SORBS2: variants seen among roughly 807,000 people sequenced by gnomAD.
The protein encoded by SORBS2 is sorbin and SH3 domain-containing protein 2.
Under a neutral mutation model 97.7 loss-of-function variants are expected in SORBS2, and 46 were observed. The observed-to-expected ratio is 0.47, with a 90% CI of 0.37 to 0.60. The LOEUF (loss-of-function observed/expected upper bound fraction) is 0.60. Ranked by LOEUF, SORBS2 falls within the 20% of genes least tolerant of loss-of-function variation. The pLI is 0.00. For synonymous variants in SORBS2, 476 were observed against 473.4 expected, an observed-to-expected ratio of 1.01 and a Z score of -0.07; for missense variants, 1,316 against 1,282.3, an observed-to-expected ratio of 1.03 and a Z score of -0.40.
At chr4:185,588,371 A>G (rs2095837681) in intron 14 of SORBS2, among the ~76,000 whole-genome samples, 1 of 152,224 alleles carries the variant, frequency 6.6e-6, no homozygotes, top group Admixed American at 6.5e-5. Context: ...ACAAATGGCT[A>G]TCATAATTAT....
intron 1 of SORBS2, among the ~76,000 whole-genome samples, chr4:185,895,391 A>G (rs991083873): frequency 6.6e-6 from 1 of 152,368 alleles, no homozygotes; most frequent in South Asian, 2.1e-4. Flanking sequence ...CCTTGTCCTC[A>G]TAACCGAAGC....
rs181590873 is a variant in SORBS2 at position 185,801,818 on chromosome 4, C to T, written c.-337-26452G>A. ...TTCATCTCAAAGTTGGCCACTGACT[C>T]GTAACAGGTAAAACCCAATGAGCAC... On this transcript the variant is annotated intron_variant, in intron 1 of 20. Coordinates refer to the SORBS2 transcript ENST00000284776. 4.0e-4 allele frequency among the ~76,000 whole-genome samples: 61 copies of T among 152,290 alleles called. 1 individual carries two copies. The highest frequency in any genetic ancestry group is 1.7e-3 in the South Asian group (8 of 4,820).
At chr4:185,753,378 C>A (rs2098812857) in intron 2 of SORBS2, among the ~76,000 whole-genome samples, 1 of 152,096 alleles carries the variant, frequency 6.6e-6, no homozygotes, top group South Asian at 2.1e-4. Context: ...GGATTCAATG[C>A]AAAATACTTT....
intron 1 of SORBS2, among the ~76,000 whole-genome samples, chr4:185,905,832 G>C (rs1341400203): frequency 6.6e-6 from 1 of 152,084 alleles, no homozygotes; most frequent in East Asian, 1.9e-4. Context: ...AAGTCAAAGG[G>C]AACAACTGCA....
intron 12 of SORBS2, among the ~76,000 whole-genome samples, chr4:185,596,609 A>C (rs1200819958): frequency 7.5e-6 from 1 of 133,566 alleles, no homozygotes; most frequent in Non-Finnish European, 1.5e-5. Flanking sequence ...ATCTTGGCTC[A>C]CTGCAACCTC....
At chr4:185,603,975 C>A (rs1286552364) in intron 12 of SORBS2, among the ~76,000 whole-genome samples, 2 of 152,214 alleles carry the variant, frequency 1.3e-5, no homozygotes, top group Non-Finnish European at 1.5e-5. Context: ...CTCTGCTGAA[C>A]CTGCCGATCG....
chr4:185,805,905 C>T (rs1209636606), intron 1 of SORBS2, among the ~76,000 whole-genome samples: 4 of 152,312 alleles, frequency 2.6e-5, no homozygotes, highest in African/African-American at 7.2e-5. Context: ...TCCTTTCCCT[C>T]GTTAACTTTA....
chr4:185,892,300 T>A (rs950793670), intron 1 of SORBS2, among the ~76,000 whole-genome samples: 1 of 152,184 alleles, frequency 6.6e-6, no homozygotes, highest in East Asian at 1.9e-4. Context: ...TGTTCTAGAA[T>A]TGCATCATGT....
intron 2 of SORBS2, among the ~76,000 whole-genome samples, chr4:185,732,356 C>T (rs1434563148): frequency 2.6e-5 from 4 of 152,130 alleles, no homozygotes; most frequent in Non-Finnish European, 5.9e-5. Flanking sequence ...CTATTACAAG[C>T]ATGATCATAG....
intron 2 of SORBS2, among the ~76,000 whole-genome samples, chr4:185,699,284 C>CTTTA (rs2098224018): frequency 8.9e-6 from 1 of 112,580 alleles, no homozygotes; most frequent in Non-Finnish European, 1.7e-5. Context: ...TGAAATGTAC[C>CTTTA]TTTTTTTTTT....
chr4:185,731,858 CTCTCTCTCTATATATATATA>C (rs1455420328), intron 2 of SORBS2, among the ~76,000 whole-genome samples: 81 of 36,086 alleles, frequency 2.2e-3, no homozygotes, highest in African/African-American at 4.0e-3. Context: ...CTCTCTCTCT[CTCTCTCTCTATATATATATA>C]TATATATATA....
Position 185,666,108 on chromosome 4 carries a change from G to T in SORBS2, c.-45-3866C>A, listed in dbSNP as rs1288379213. Reference sequence around the variant, plus strand: ...AAGTGGCTCGGTTCAAAGGTACCACGGAAGGAGGGCACGGAGGAGAAGCTT... The same window carrying T: ...AAGTGGCTCGGTTCAAAGGTACCACTGAAGGAGGGCACGGAGGAGAAGCTT... On this transcript the variant is annotated intron_variant, in intron 4 of 20. Transcript: ENST00000284776. 7 of 1,289,790 alleles carry T rather than the reference G, an allele frequency of 5.4e-6. No individual in the cohort carries two copies. In the African/African-American group the frequency reaches 1.1e-4, roughly 20 times the overall value. The allele number at this position is 1,289,790 out of a possible 1,614,324, so 79.9% of individuals were successfully genotyped here. A position where few individuals can be genotyped will look rare whatever the true frequency, so the allele number is the denominator to read the frequency against.
At chr4:185,730,270 T>C (rs890510600) in intron 2 of SORBS2, among the ~76,000 whole-genome samples, 2 of 142,290 alleles carry the variant, frequency 1.4e-5, no homozygotes, top group African/African-American at 4.9e-5. Flanking sequence ...ACCAGGAAAG[T>C]GTAATTCTAA....
At chr4:185,634,522 T>G (rs2096962027) in intron 4 of SORBS2, among the ~76,000 whole-genome samples, 2 of 152,022 alleles carry the variant, frequency 1.3e-5, no homozygotes, top group African/African-American at 4.8e-5. Flanking sequence ...TTTCTGCTTG[T>G]GTCTTCTAAT....
At chr4:185,689,849 G>A (rs140507866) in intron 2 of SORBS2, among the ~76,000 whole-genome samples, 72 of 152,302 alleles carry the variant, frequency 4.7e-4, no homozygotes, top group African/African-American at 1.7e-3. Flanking sequence ...AAATGGTATC[G>A]TTTAAACACA....
intron 1 of SORBS2, among the ~76,000 whole-genome samples, chr4:185,802,342 C>T (rs1021213313): frequency 4.6e-5 from 7 of 152,162 alleles, no homozygotes; most frequent in Admixed American, 4.6e-4. Context: ...CTCATCTTTT[C>T]CTCCGGTCCT....
intron 1 of SORBS2, among the ~76,000 whole-genome samples, chr4:185,778,487 C>A (rs1297872769): frequency 6.6e-6 from 1 of 152,128 alleles, no homozygotes; most frequent in Non-Finnish European, 1.5e-5. Flanking sequence ...ACTGAGCCAG[C>A]ATGTGCATTT....
chr4:185,688,535 C>T (rs1281503953), intron 2 of SORBS2, among the ~76,000 whole-genome samples: 1 of 147,248 alleles, frequency 6.8e-6, no homozygotes, highest in African/African-American at 2.5e-5. Flanking sequence ...GATAGATAGA[C>T]AAAAAAGTCA....
chr4:185,896,797 G>C lies in SORBS2; in HGVS notation c.-338+59399C>G, dbSNP rs184158552. ...GTTCTTGGTGGAGGAGGCTCCACTG[G>C]GAAAAGCCAAGCCACTGGGTGGTGC... On this transcript the variant is annotated intron_variant, in intron 1 of 20. Transcript: ENST00000284776. 3.5e-3 allele frequency among the ~76,000 whole-genome samples: 531 copies of C among 151,928 alleles called. 4 individuals carry two copies. The highest frequency in any genetic ancestry group is 4.9e-3 in the Non-Finnish European group (336 of 67,982).
Sources: gnomAD v4.1 joint callset for allele counts (sites outside exome capture counted in the v4.1 genomes callset) on GRCh38, gnomAD v4.1.1 for gene constraint, MANE v1.5 for transcripts, NCBI Gene and HGNC (gene_info 2026-07-23, HGNC 2026-07-21) for gene names.